The following MCTP1 variants were observed in gnomAD, a reference collection of about 807,000 sequenced individuals.
MCTP1 encodes multiple C2 and transmembrane domain-containing protein 1.
In MCTP1, 69 loss-of-function variants were observed where a neutral mutation model predicts 120.6. The ratio of observed to expected loss-of-function variants is 0.57; its 90% CI spans 0.47 to 0.70. The LOEUF is 0.70. Ranked by LOEUF, MCTP1 falls within the 30% of genes least tolerant of loss-of-function variation. The pLI, the probability that MCTP1 is intolerant of heterozygous loss-of-function variation, is 0.00. For missense variants in MCTP1, 1,203 were observed against 1,248.8 expected (o/e 0.96, Z 0.55); for synonymous variants, 529 against 493.1 (o/e 1.07, Z -0.96).
At chr5:95,130,957 T>C (rs1758997776) in intron 1 of MCTP1, among the ~76,000 whole-genome samples, 1 of 152,184 alleles carries the variant, frequency 6.6e-6, no homozygotes, top group African/African-American at 2.4e-5. Context: ...TTACATTTGT[T>C]TGAGGAAAAT....
At chr5:94,708,895 C>G in intron 21 of MCTP1, 1 of 250,020 alleles carries the variant, frequency 4.0e-6, no homozygotes, top group South Asian at 7.1e-5. Flanking sequence ...GTGTTACAGT[C>G]TACTTAGAAG....
intron 11 of MCTP1, among the ~76,000 whole-genome samples, chr5:94,890,507 T>C (rs1246484751): frequency 2.0e-5 from 3 of 152,176 alleles, no homozygotes; most frequent in African/African-American, 4.8e-5. Flanking sequence ...TAGTTCTACA[T>C]AAGTAAAAGA....
intron 1 of MCTP1, among the ~76,000 whole-genome samples, chr5:95,200,699 A>G (rs1051525429): frequency 2.0e-5 from 3 of 152,230 alleles, no homozygotes; most frequent in Admixed American, 2.0e-4. Context: ...AATTTCAGTT[A>G]GATAAAAGTA....
chr5:95,079,410 G>A (rs56005052), intron 1 of MCTP1, among the ~76,000 whole-genome samples: 8,232 of 152,260 alleles, frequency 0.054, 230 homozygotes, highest in Middle Eastern at 0.079. Context: ...TTACAAAGAA[G>A]TGTTGATTCT....
chr5:95,020,750 G>A (rs1456260427), intron 1 of MCTP1, among the ~76,000 whole-genome samples: 1 of 151,834 alleles, frequency 6.6e-6, no homozygotes, highest in Non-Finnish European at 1.5e-5. Context: ...TTCTAATCAT[G>A]TGAAATATAT....
At chr5:95,233,339 T>A (rs1755175036) in intron 1 of MCTP1, among the ~76,000 whole-genome samples, 1 of 151,932 alleles carries the variant, frequency 6.6e-6, no homozygotes, top group Non-Finnish European at 1.5e-5. Context: ...TTTTTTTTTT[T>A]TTTTCTCGAG....
At chr5:95,117,372 C>G (rs1251464523) in intron 1 of MCTP1, among the ~76,000 whole-genome samples, 3 of 108,666 alleles carry the variant, frequency 2.8e-5, no homozygotes, top group Non-Finnish European at 5.0e-5. Flanking sequence ...GCCTGGGCAA[C>G]AGAGCGAGAC....
In MCTP1 at chr5:95,274,222, C is replaced by T. The variant is rs117368759; in HGVS notation, c.720+9634G>A. On this transcript the variant is annotated intron_variant, in intron 1 of 22. Transcript: ENST00000515393. Reference sequence around the variant, plus strand: ...TTTGCATACACAGGACACTTATTTGCCTTTGTGCTTAGGCAACAGTCTTTC... The same window carrying T: ...TTTGCATACACAGGACACTTATTTGTCTTTGTGCTTAGGCAACAGTCTTTC... Among the ~76,000 whole-genome samples the T allele has an allele frequency of 6.6e-5, 10 of 152,316 alleles. No individual in the cohort carries two copies. The East Asian group carries it at 1.9e-3, about 29-fold the overall frequency.
rs116428840 is a variant in MCTP1 at position 94,994,624 on chromosome 5, T to C, written c.838+22743A>G. On this transcript the variant is annotated intron_variant, in intron 2 of 22. Coordinates refer to ENST00000515393, the MANE Select transcript of MCTP1 (RefSeq NM_024717.7). ...TGTAGTGTGTGTATGTTGAGGGGTG[T>C]GATGGTTAATACTGAGTGTCGACTT... Among the ~76,000 whole-genome samples, 1,026 of 152,266 alleles carry C rather than the reference T, an allele frequency of 6.7e-3. 5 individuals carry two copies. The highest frequency in any genetic ancestry group is 0.011 in the South Asian group (54 of 4,818).
At chr5:95,023,626 A>G (rs1838629004) in intron 1 of MCTP1, among the ~76,000 whole-genome samples, 5 of 152,222 alleles carry the variant, frequency 3.3e-5, no homozygotes, top group Admixed American at 3.3e-4. Flanking sequence ...GGATCTAGAG[A>G]GACATCTCCT....
In MCTP1 at chr5:94,952,690, T is replaced by A. The variant is rs1422555073; in HGVS notation, c.981+529A>T. On this transcript the variant is annotated intron_variant, in intron 3 of 22. Coordinates refer to ENST00000515393, the MANE Select transcript of MCTP1 (RefSeq NM_024717.7). ...GGAACTAGGTTGTAACTCCTCAAGTTCTTCTCTTTCTTTTAATTACATCAA... is the reference window on the plus strand; with the variant it reads ...GGAACTAGGTTGTAACTCCTCAAGTACTTCTCTTTCTTTTAATTACATCAA... Among the ~76,000 whole-genome samples, 9 of 152,162 alleles carry A rather than the reference T, an allele frequency of 5.9e-5. 1 individual carries two copies. Among genetic ancestry groups the A allele is most frequent in the Admixed American group, 5.9e-4 (9 of 15,282 alleles).
Position 95,138,714 on chromosome 5 carries a change from TCA to T in MCTP1, c.721-121232_721-121231del, listed in dbSNP as rs141801564. On this transcript the variant is annotated intron_variant, in intron 1 of 22. Coordinates refer to ENST00000515393, the MANE Select transcript of MCTP1 (RefSeq NM_024717.7). ...CCCTCACTCCACCGGCTGCTCCCTC[TCA>T]CATCCCTCTCTGGATTCCTTATCAC... Among the ~76,000 whole-genome samples the T allele has an allele frequency of 2.6e-3, 403 of 152,284 alleles. 1 individual carries two copies. Among genetic ancestry groups the T allele is most frequent in the Non-Finnish European group, 3.8e-3 (261 of 68,018 alleles).
At chr5:95,195,637 T>TTA (rs1340739323) in intron 1 of MCTP1, among the ~76,000 whole-genome samples, 3 of 152,024 alleles carry the variant, frequency 2.0e-5, no homozygotes, top group African/African-American at 7.2e-5. Context: ...AGATATGAGT[T>TTA]TGGATCCAAA....
At chr5:94,777,952 G>GTT (rs1775775427) in intron 19 of MCTP1, among the ~76,000 whole-genome samples, 1 of 143,646 alleles carries the variant, frequency 7.0e-6, no homozygotes, top group African/African-American at 2.5e-5. Flanking sequence ...GTGTGTGTGT[G>GTT]TGTGTTTCTG....
Position 95,017,455 on chromosome 5 carries a change from A to G in MCTP1, c.750T>C (p.Asn250=), listed in dbSNP as rs1297010932. Residue 250 remains asparagine (N), a synonymous_variant, in exon 2 of 23, where the codon AAT becomes AAC. Coordinates refer to ENST00000515393, the MANE Select transcript of MCTP1 (RefSeq NM_024717.7). The part of the protein sequence containing the change: ...QKIINTAGTS[N]AEVPLADPGM... ...CGGGATCAGCCAAGGGGACTTCTGC[A>G]TTACTGGTTCCAGCAGTGTTTATTA... 6.2e-7 allele frequency: 1 copy of G among 1,609,166 alleles called. No homozygotes were observed. The highest frequency in any genetic ancestry group is 2.2e-5 in the East Asian group (1 of 44,724).
At chr5:95,099,528 G>A (rs74755338) in intron 1 of MCTP1, among the ~76,000 whole-genome samples, 128,974 of 150,898 alleles carry the variant, frequency 0.85, 55,642 homozygotes, top group Non-Finnish European at 0.92. Context: ...AAAAATGCTC[G>A]CCATCACTGG....
chr5:95,172,990 G>A (rs192956268), intron 1 of MCTP1, among the ~76,000 whole-genome samples: 1 of 152,068 alleles, frequency 6.6e-6, no homozygotes, highest in East Asian at 1.9e-4. Context: ...ATTAATTTCA[G>A]CCTTTTTTTT....
intron 1 of MCTP1, among the ~76,000 whole-genome samples, chr5:95,174,812 C>T (rs933744016): frequency 6.6e-6 from 1 of 152,146 alleles, no homozygotes; most frequent in Non-Finnish European, 1.5e-5. Flanking sequence ...TAAAATAAAA[C>T]GAAAGTCTCC....
chr5:94,723,677 T>C (rs1357783458), intron 19 of MCTP1, among the ~76,000 whole-genome samples: 4 of 152,174 alleles, frequency 2.6e-5, no homozygotes, highest in African/African-American at 9.6e-5. Flanking sequence ...ACATAATTTA[T>C]GATAGCATTT....
Sources: allele counts gnomAD v4.1 joint callset (sites outside exome capture counted in the v4.1 genomes callset), GRCh38; gene constraint gnomAD v4.1.1; transcripts MANE v1.5; gene names NCBI Gene and HGNC (gene_info 2026-07-23, HGNC 2026-07-21).